Variants in THOC7 observed in about 807,000 individuals in gnomAD.
THOC7 encodes THO complex subunit 7.
In THOC7, 22 loss-of-function variants were observed where a neutral mutation model predicts 33.1. The observed-to-expected ratio is 0.66, with a 90% CI of 0.47 to 0.95. The LOEUF (loss-of-function observed/expected upper bound fraction) is 0.95, where lower values mean the gene tolerates loss of function less well. Ranked by LOEUF, THOC7 falls within the 40% of genes least tolerant of loss-of-function variation. The pLI, the probability that THOC7 is intolerant of heterozygous loss-of-function variation, is 0.00. For missense variants in THOC7, 184 were observed against 245.3 expected (o/e 0.75, Z 1.67); for synonymous variants, 77 against 76.8 (o/e 1.00, Z -0.01).
intron 4 of THOC7, among the ~76,000 whole-genome samples, chr3:63,837,386 C>A (rs1322240663): frequency 6.6e-6 from 1 of 151,750 alleles, no homozygotes; most frequent in Admixed American, 6.6e-5. Context: ...AAGAGCAGTG[C>A]CTCTAACATT....
chr3:63,845,637 G>A (rs1224342566), intron 1 of THOC7, among the ~76,000 whole-genome samples: 1 of 152,112 alleles, frequency 6.6e-6, no homozygotes, highest in Non-Finnish European at 1.5e-5. Context: ...TTTAGATGAG[G>A]GAGGCCTCAG....
chr3:63,839,551 G>A (rs1701712098), intron 2 of THOC7, 105 bp downstream of exon 2: 1 of 941,014 alleles, frequency 1.1e-6, no homozygotes, highest in South Asian at 1.4e-5. Context: ...TGACTCCACT[G>A]TACATTTAAG....
intron 7 of THOC7, 87 bp downstream of exon 7, chr3:63,835,067 T>C: frequency 7.6e-7 from 1 of 1,312,564 alleles, no homozygotes; most frequent in African/African-American, 1.5e-5. Context: ...GTATACTGTC[T>C]CTCCAAGATG....
chr3:63,856,685 A>C (rs1702122167), intron 1 of THOC7, among the ~76,000 whole-genome samples: 1 of 152,024 alleles, frequency 6.6e-6, no homozygotes, highest in African/African-American at 2.4e-5. Flanking sequence ...GATGCTTTTC[A>C]CATATAAACA....
At position 63,863,799 on chromosome 3, in the gene THOC7, C is replaced by T. The variant is rs1247895491; in HGVS notation, c.-9G>A. 5.9e-6 allele frequency: 6 copies of T among 1,011,358 alleles called. No homozygotes were observed. The highest frequency in any genetic ancestry group is 1.2e-6 in the Non-Finnish European group (1 of 802,020). 62.6% of individuals were successfully genotyped at this position (1,011,358 alleles called of 1,614,324 possible). A position where few individuals can be genotyped will look rare whatever the true frequency, so the allele number is the denominator to read the frequency against. On this transcript the variant is annotated 5_prime_UTR_variant, in exon 1 of 8. Transcript: ENST00000295899. ...TCAGTCACGGCTCCCATGGCGTGCGCGGCGGCGGCGGCGGCGGCGGCGGCG... is the reference window on the plus strand; with the variant it reads ...TCAGTCACGGCTCCCATGGCGTGCGTGGCGGCGGCGGCGGCGGCGGCGGCG...
intron 1 of THOC7, chr3:63,854,776 A>T (rs566886131): frequency 5.3e-5 from 8 of 152,304 alleles, no homozygotes; most frequent in African/African-American, 1.4e-4. Context: ...TGTGAGGCCG[A>T]GGCGGGCGGA....
At chr3:63,856,641 T>A (rs1702121488) in intron 1 of THOC7, among the ~76,000 whole-genome samples, 1 of 152,192 alleles carries the variant, frequency 6.6e-6, no homozygotes, top group Non-Finnish European at 1.5e-5. Context: ...AGCCAGCAGA[T>A]ACGTAACACT....
intron 3 of THOC7, 79 bp downstream of exon 3, chr3:63,838,293 A>G: frequency 9.2e-7 from 1 of 1,090,584 alleles, no homozygotes; most frequent in Non-Finnish European, 1.3e-6. Flanking sequence ...TTTTACCACC[A>G]AAGAAAATTG....
At chr3:63,839,918 T>C (rs1701723329) in intron 1 of THOC7, 145 bp from the exon 2 acceptor site, 3 of 623,980 alleles carry the variant, frequency 4.8e-6, no homozygotes, top group Non-Finnish European at 5.4e-6. Context: ...CACTTAAAAA[T>C]GGCTAGCTAA....
chr3:63,856,544 A>T (rs560710148), intron 1 of THOC7, among the ~76,000 whole-genome samples: 2 of 152,290 alleles, frequency 1.3e-5, no homozygotes, highest in South Asian at 2.1e-4. Flanking sequence ...ACTTAAAAAA[A>T]ATTTTATGGG....
At chr3:63,836,239 G>A in intron 5 of THOC7, 62 bp downstream of exon 5, 1 of 1,484,508 alleles carries the variant, frequency 6.7e-7, no homozygotes, top group Non-Finnish European at 9.2e-7. Context: ...AAATGCCTAC[G>A]GTAGTTTTCG....
At chr3:63,850,868 T>C (rs1406407411) in intron 1 of THOC7, among the ~76,000 whole-genome samples, 6 of 152,162 alleles carry the variant, frequency 3.9e-5, no homozygotes, top group African/African-American at 1.4e-4. Context: ...ATTACAGGCG[T>C]GAGCCACTGC....
chr3:63,835,362 C>G lies in THOC7; in HGVS notation c.439G>C (p.Glu147Gln). 6.2e-7 allele frequency: 1 copy of G among 1,613,436 alleles called. No individual in the cohort carries two copies. The highest frequency in any genetic ancestry group is 2.2e-5 in the East Asian group (1 of 44,764). Residue 147 changes from glutamate (E) to glutamine (Q), a missense_variant, in exon 6 of 8, where the codon GAG becomes CAG. This residue lies in a region of THOC7 where 157 missense variants were observed against 201.3 expected (regional missense o/e 0.78). Coordinates refer to ENST00000295899, the MANE Select transcript of THOC7 (RefSeq NM_025075.4). ...CTTTCTTTAATGTGTGAAAGATGCT[C>G]TAATTCTTTTCCCAGAGCCTCTAGT... ...KELEALGKEL[E>Q]HLSHIKESVE...
At chr3:63,855,613 T>C (rs558402649) in intron 1 of THOC7, among the ~76,000 whole-genome samples, 29 of 152,314 alleles carry the variant, frequency 1.9e-4, no homozygotes, top group Non-Finnish European at 3.1e-4. Flanking sequence ...AAATTCATAA[T>C]TGTTCTTTCC....
intron 1 of THOC7, among the ~76,000 whole-genome samples, chr3:63,842,976 CAG>C (rs1385652633): frequency 1.3e-5 from 2 of 151,616 alleles, no homozygotes; most frequent in Middle Eastern, 3.4e-3. Flanking sequence ...TTTATAGAGA[CAG>C]AGTTTCACCA....
Position 63,853,308 on chromosome 3 carries a change from C to A in THOC7, c.19+10464G>T, listed in dbSNP as rs565891993. Among the ~76,000 whole-genome samples, 3 of 152,244 alleles carry A rather than the reference C, an allele frequency of 2.0e-5. No homozygotes were observed. In the East Asian group the frequency reaches 5.8e-4, roughly 29 times the overall value. On this transcript the variant is annotated intron_variant, in intron 1 of 7. Transcript: ENST00000295899. ...ACTAGTTCTGGCAGCACAGGGAATT[C>A]CCTGTCCAGGCATTCACAGGCCCTC...
upstream of THOC7, chr3:63,864,410 A>G (rs1158071374): frequency 6.6e-6 from 1 of 151,952 alleles, no homozygotes; most frequent in Non-Finnish European, 1.5e-5. Context: ...GTCCCCGCGA[A>G]GTTGGCGCCC....
chr3:63,850,296 G>A (rs1341443687), intron 1 of THOC7, among the ~76,000 whole-genome samples: 1 of 151,866 alleles, frequency 6.6e-6, no homozygotes, highest in Admixed American at 6.6e-5. Flanking sequence ...TGCCTCCCGG[G>A]TTCAAGCAAT....
At chr3:63,858,392 G>A (rs1021048020) in intron 1 of THOC7, among the ~76,000 whole-genome samples, 3 of 151,734 alleles carry the variant, frequency 2.0e-5, no homozygotes, top group African/African-American at 4.8e-5. Context: ...CATATTATTC[G>A]TAGGCATATT....
Sources: allele counts gnomAD v4.1 joint callset (sites outside exome capture counted in the v4.1 genomes callset), GRCh38; gene constraint gnomAD v4.1.1; regional missense constraint gnomAD v4.1.1; transcripts MANE v1.5; gene names NCBI Gene and HGNC (gene_info 2026-07-23, HGNC 2026-07-21).